Variants in MCTP2 observed in about 807,000 individuals in gnomAD.
MCTP2 encodes the protein multiple C2 and transmembrane domain-containing protein 2.
MCTP2 carries 132 observed loss-of-function variants against 111.6 expected under a neutral mutation model. The observed-to-expected ratio is 1.18, with a 90% CI of 1.03 to 1.37. The LOEUF (loss-of-function observed/expected upper bound fraction) is 1.37. Among genes scored for constraint, MCTP2 ranks in the 40% most tolerant of loss-of-function variants. The pLI is 0.00. For missense variants in MCTP2, 1,183 were observed against 1,067.9 expected (o/e 1.11, Z -1.50); for synonymous variants, 395 against 387.7 (o/e 1.02, Z -0.22).
At chr15:94,300,009 T>G (rs1432295656) in intron 2 of MCTP2, among the ~76,000 whole-genome samples, 1 of 152,244 alleles carries the variant, frequency 6.6e-6, no homozygotes, top group Non-Finnish European at 1.5e-5. Context: ...AATACATGTT[T>G]CTTTTAAACA....
At chr15:94,439,076 T>TA (rs1326161054) in intron 17 of MCTP2, among the ~76,000 whole-genome samples, 1 of 152,158 alleles carries the variant, frequency 6.6e-6, no homozygotes, top group Non-Finnish European at 1.5e-5. Flanking sequence ...CTGCTAATGT[T>TA]AAAAATATAT....
rs560545319 is a variant in MCTP2, at chr15:94,256,003, A to G, written c.-66+24339A>G. ...ATAAAAACTTTTGTCTTTTCCTCAC[A>G]GCTCCATTTTGGTGCTCAGAATTTT... On this transcript the variant is annotated intron_variant, in intron 1 of 22. Transcript: ENST00000357742. 4.6e-5 allele frequency among the ~76,000 whole-genome samples: 7 copies of G among 152,298 alleles called. No individual in the cohort carries two copies. In the South Asian group the frequency reaches 1.5e-3, roughly 32 times the overall value.
chr15:94,323,519 C>T (rs2076717236), intron 4 of MCTP2, among the ~76,000 whole-genome samples: 2 of 152,278 alleles, frequency 1.3e-5, no homozygotes, highest in South Asian at 2.1e-4. Flanking sequence ...GGTGGTTTTC[C>T]AGTTCTTCAA....
chr15:94,364,121 TTCAGGGG>T (rs767760412), intron 10 of MCTP2, among the ~76,000 whole-genome samples: 1 of 151,974 alleles, frequency 6.6e-6, no homozygotes, highest in Non-Finnish European at 1.5e-5. Context: ...ATTTCTGTAG[TTCAGGGG>T]TCAGCAAACC....
At chr15:94,319,470 C>T (rs9989274) in intron 4 of MCTP2, among the ~76,000 whole-genome samples, 3,930 of 152,256 alleles carry the variant, frequency 0.026, 191 homozygotes, top group African/African-American at 0.09. Flanking sequence ...CTCTGAGCCC[C>T]GCACACAGAC....
At chr15:94,250,856 A>ATTGAATTGTGAATTG (rs1227259397) in intron 1 of MCTP2, among the ~76,000 whole-genome samples, 1 of 152,234 alleles carries the variant, frequency 6.6e-6, no homozygotes, top group Non-Finnish European at 1.5e-5. Context: ...TCATTGTGTT[A>ATTGAATTGTGAATTG]TGAAATGTGA....
intron 19 of MCTP2, among the ~76,000 whole-genome samples, chr15:94,450,947 G>A (rs2084404966): frequency 6.6e-6 from 1 of 152,200 alleles, no homozygotes; most frequent in African/African-American, 2.4e-5. Context: ...TTTTGATGGT[G>A]TTAATTCTCT....
In MCTP2 at chr15:94,291,754, T is replaced by C. The variant is rs552722565; in HGVS notation, c.-65-6447T>C. On this transcript the variant is annotated intron_variant, in intron 1 of 22. Transcript: ENST00000357742. Reference sequence around the variant, plus strand: ...TGTGGCATGCAGCTAATATGTAGCCTTAAACCTTATTTTTAAAATGAAGAA... The same window carrying C: ...TGTGGCATGCAGCTAATATGTAGCCCTAAACCTTATTTTTAAAATGAAGAA... Among the ~76,000 whole-genome samples, 13 of 152,328 alleles carry C rather than the reference T, an allele frequency of 8.5e-5. No homozygotes were observed. In the South Asian group the frequency reaches 2.7e-3, roughly 32 times the overall value.
intron 4 of MCTP2, among the ~76,000 whole-genome samples, chr15:94,333,827 T>C (rs943405192): frequency 6.6e-6 from 1 of 152,196 alleles, no homozygotes; most frequent in Non-Finnish European, 1.5e-5. Flanking sequence ...GACTTAGTGA[T>C]TTTTAGTTTT....
At chr15:94,318,617 C>A (rs139790864) in intron 4 of MCTP2, among the ~76,000 whole-genome samples, 1 of 152,306 alleles carries the variant, frequency 6.6e-6, no homozygotes, top group East Asian at 1.9e-4. Context: ...TGGACCTCTT[C>A]TGTTGGCCAA....
At chr15:94,409,826 A>T (rs566044750) in intron 17 of MCTP2, among the ~76,000 whole-genome samples, 3 of 151,522 alleles carry the variant, frequency 2.0e-5, no homozygotes, top group African/African-American at 7.3e-5. Context: ...GAGCACTCGT[A>T]AGTCTATCAA....
At chr15:94,478,161 C>A (rs527804381) in intron 22 of MCTP2, among the ~76,000 whole-genome samples, 3 of 152,330 alleles carry the variant, frequency 2.0e-5, no homozygotes, top group African/African-American at 7.2e-5. Flanking sequence ...TTGCAACGTA[C>A]CATCACTTGG....
rs2079271795 is a variant in MCTP2, at chr15:94,367,735, CTG to C, written c.1438_1439del (p.Val480LeufsTer51). On this transcript the variant is annotated frameshift_variant, in exon 11 of 23. Transcript: ENST00000357742. LOFTEE classifies it high-confidence loss of function. ...CTGTGCGGGGGTCTCCGTCTCTGAT[CTG>C]TGTGTCTGCCCCTTAGCAGACCTCA... ...TPCAGVSVSD[L>X]CVCPLADLSE... The C allele has an allele frequency of 1.2e-6, 2 of 1,608,836 alleles. No individual in the cohort carries two copies. Among genetic ancestry groups the C allele is most frequent in the Non-Finnish European group, 1.7e-6 (2 of 1,177,908 alleles).
At chr15:94,455,609 T>G (rs2084774768) in intron 19 of MCTP2, among the ~76,000 whole-genome samples, 1 of 151,230 alleles carries the variant, frequency 6.6e-6, no homozygotes, top group African/African-American at 2.5e-5. Context: ...TATTTTTTAG[T>G]AGAGACTGGG....
chr15:94,379,734 AT>A (rs1236450539), intron 12 of MCTP2, among the ~76,000 whole-genome samples: 7 of 142,104 alleles, frequency 4.9e-5, no homozygotes, highest in Non-Finnish European at 7.5e-5. Flanking sequence ...ATAATGTGTA[AT>A]ATAATATATG....
At chr15:94,453,529 A>G (rs1173174194) in intron 19 of MCTP2, among the ~76,000 whole-genome samples, 1 of 152,224 alleles carries the variant, frequency 6.6e-6, no homozygotes, top group Non-Finnish European at 1.5e-5. Context: ...ATGAGAAATG[A>G]TAGGGTAGGT....
intron 16 of MCTP2, among the ~76,000 whole-genome samples, chr15:94,401,119 G>A (rs538684054): frequency 2.0e-5 from 3 of 152,234 alleles, no homozygotes; most frequent in East Asian, 1.9e-4. Context: ...AGACCTCCAC[G>A]TGGGGTGGCT....
Position 94,442,936 on chromosome 15 carries a change from TGAC to T in MCTP2, c.2229_2231del (p.Asp743del). On this transcript the variant is annotated inframe_deletion, in exon 19 of 23. Coordinates refer to ENST00000357742, the MANE Select transcript of MCTP2 (RefSeq NM_001385001.1). ...CCTTTCAGGAGAGCACAGACATAGA[TGAC>T]GAGGAGGATGAAGATGACAAGGTGC... 1 of 1,613,464 alleles carries T rather than the reference TGAC, an allele frequency of 6.2e-7. No homozygotes were observed. The highest frequency in any genetic ancestry group is 1.1e-5 in the South Asian group (1 of 91,038).
intron 2 of MCTP2, among the ~76,000 whole-genome samples, chr15:94,310,547 G>A (rs1182484704): frequency 6.6e-6 from 1 of 152,060 alleles, no homozygotes; most frequent in Non-Finnish European, 1.5e-5. Context: ...AGTGCTTTGT[G>A]GGAGGCCAAG....
Sources: gnomAD v4.1 joint callset for allele counts (sites outside exome capture counted in the v4.1 genomes callset) on GRCh38, gnomAD v4.1.1 for gene constraint, MANE v1.5 for transcripts, NCBI Gene and HGNC (gene_info 2026-07-23, HGNC 2026-07-21) for gene names.